The following RBM6 variants were observed in gnomAD, a reference collection of about 807,000 sequenced individuals.
RBM6 encodes RNA binding motif protein 6.
RBM6 carries 23 observed loss-of-function variants against 140.4 expected under a neutral mutation model. The ratio of observed to expected loss-of-function variants is 0.16; its 90% CI spans 0.12 to 0.23. The LOEUF is 0.23. RBM6 is among the 10% of genes least tolerant of loss of function. RBM6 has a pLI of 1.00. For missense variants in RBM6, 1,139 were observed against 1,386.7 expected (o/e 0.82, Z 2.84); for synonymous variants, 439 against 475.6 (o/e 0.92, Z 1.00).
intron 1 of RBM6, among the ~76,000 whole-genome samples, chr3:49,946,756 A>G (rs1438532181): frequency 1.3e-5 from 2 of 151,282 alleles, no homozygotes; most frequent in South Asian, 4.2e-4. Flanking sequence ...GCTGGTCTTG[A>G]ACTCCTGACC....
At chr3:49,952,192 G>A (rs961899883) in intron 1 of RBM6, among the ~76,000 whole-genome samples, 2 of 151,678 alleles carry the variant, frequency 1.3e-5, no homozygotes. Flanking sequence ...GTGCCACCAT[G>A]GCTAATTTTT....
chr3:49,999,859 T>C (rs1336894056), intron 6 of RBM6, among the ~76,000 whole-genome samples: 1 of 152,138 alleles, frequency 6.6e-6, no homozygotes, highest in African/African-American at 2.4e-5. Context: ...CTTGATTGTC[T>C]GTGACCCCAA....
At position 49,959,355 on chromosome 3, in the gene RBM6, ATT is replaced by A. The variant is rs1183057889; in HGVS notation, c.-66-3205_-66-3204del. 2.4e-4 allele frequency among the ~76,000 whole-genome samples: 30 copies of A among 123,252 alleles called. 1 individual carries two copies. The highest frequency in any genetic ancestry group is 1.7e-3 in the Admixed American group (20 of 11,900). 80.9% of individuals were successfully genotyped at this position (123,252 alleles called of 152,430 possible). A position where few individuals can be genotyped will look rare whatever the true frequency, so the allele number is the denominator to read the frequency against. On this transcript the variant is annotated intron_variant, in intron 1 of 20. Transcript: ENST00000266022. ...AGGTGCCCGCCACCACGCCTGGCTA[ATT>A]TTTTTTTTTTTTTTTGTATTTTTAG...
At chr3:50,003,837 A>G (rs1473715988) in intron 6 of RBM6, among the ~76,000 whole-genome samples, 2 of 152,220 alleles carry the variant, frequency 1.3e-5, no homozygotes, top group Non-Finnish European at 2.9e-5. Context: ...ATTTCTGTCT[A>G]GGAGAAGGGG....
intron 1 of RBM6, among the ~76,000 whole-genome samples, chr3:49,954,264 C>A (rs2083870887): frequency 6.6e-6 from 1 of 151,860 alleles, no homozygotes; most frequent in Non-Finnish European, 1.5e-5. Flanking sequence ...ATGGTGAAAC[C>A]CCGTCTCCAC....
chr3:50,032,823 TA>T (rs1437516558), intron 6 of RBM6, among the ~76,000 whole-genome samples: 1 of 150,338 alleles, frequency 6.7e-6, no homozygotes, highest in Non-Finnish European at 1.5e-5. Flanking sequence ...CTGTCTCTAC[TA>T]AAAATACAAA....
At chr3:50,037,819 C>CTTT (rs11328228) in intron 6 of RBM6, among the ~76,000 whole-genome samples, 1 of 127,512 alleles carries the variant, frequency 7.8e-6, no homozygotes, top group South Asian at 2.5e-4. Flanking sequence ...CTTTTCTTTC[C>CTTT]TTTTTTTTTT....
At chr3:49,956,028 A>T (rs562742344) in intron 1 of RBM6, among the ~76,000 whole-genome samples, 85 of 146,660 alleles carry the variant, frequency 5.8e-4, no homozygotes, top group Non-Finnish European at 6.6e-4. Flanking sequence ...GTGAAAAAAA[A>T]TTTTTTTTTT....
intron 6 of RBM6, among the ~76,000 whole-genome samples, chr3:50,022,218 G>A (rs12490944): frequency 0.079 from 12,010 of 152,004 alleles, 525 homozygotes; most frequent in African/African-American, 0.1. Flanking sequence ...ACTTGTATTG[G>A]GTAGTAGTAC....
chr3:50,021,387 C>A (rs1300839388), intron 6 of RBM6, among the ~76,000 whole-genome samples: 1 of 152,136 alleles, frequency 6.6e-6, no homozygotes, highest in Non-Finnish European at 1.5e-5. Context: ...TACCTGTAAT[C>A]CTAGCACTTT....
intron 6 of RBM6, among the ~76,000 whole-genome samples, chr3:50,020,576 T>C (rs1272149123): frequency 2.0e-5 from 3 of 152,226 alleles, no homozygotes; most frequent in African/African-American, 7.2e-5. Flanking sequence ...CATTATCGTT[T>C]ACAGTTGTGT....
chr3:50,050,798 AT>A (rs1342786527), intron 7 of RBM6, among the ~76,000 whole-genome samples: 1 of 151,522 alleles, frequency 6.6e-6, no homozygotes, highest in East Asian at 1.9e-4. Context: ...TGTGGTTTTG[AT>A]TTGCATTTTC....
chr3:50,072,254 A>T (rs1398369907), intron 19 of RBM6, among the ~76,000 whole-genome samples: 1 of 151,016 alleles, frequency 6.6e-6, no homozygotes, highest in Non-Finnish European at 1.5e-5. Context: ...CCAAAAATAT[A>T]AAAAAATTAG....
intron 1 of RBM6, among the ~76,000 whole-genome samples, chr3:49,945,049 G>A (rs1246978355): frequency 6.6e-6 from 1 of 150,716 alleles, no homozygotes; most frequent in East Asian, 2.0e-4. Flanking sequence ...CTAATTTTTT[G>A]TATTTTTAGT....
intron 5 of RBM6, among the ~76,000 whole-genome samples, chr3:49,994,090 G>GTCTC (rs1175626617): frequency 2.0e-5 from 3 of 152,148 alleles, no homozygotes; most frequent in Non-Finnish European, 2.9e-5. Context: ...TTGAGACAGG[G>GTCTC]TCTCACTCTG....
At chr3:49,971,824 A>T (rs2084807310) in intron 3 of RBM6, among the ~76,000 whole-genome samples, 1 of 152,088 alleles carries the variant, frequency 6.6e-6, no homozygotes, top group African/African-American at 2.4e-5. Flanking sequence ...TGTCTCTCGT[A>T]ATGTTTTGCT....
chr3:49,951,412 G>T (rs1475492381), intron 1 of RBM6, among the ~76,000 whole-genome samples: 2 of 151,370 alleles, frequency 1.3e-5, no homozygotes, highest in African/African-American at 4.9e-5. Context: ...TGTGTGTGTG[G>T]AGACAAGGTT....
intron 19 of RBM6, among the ~76,000 whole-genome samples, chr3:50,073,749 G>A (rs2090375846): frequency 6.6e-6 from 1 of 152,054 alleles, no homozygotes; most frequent in Non-Finnish European, 1.5e-5. Flanking sequence ...TTGCCTACAG[G>A]GAGGCCTGAG....
At chr3:49,947,267 G>T (rs1177665256) in intron 1 of RBM6, among the ~76,000 whole-genome samples, 2 of 76,286 alleles carry the variant, frequency 2.6e-5, no homozygotes, top group African/African-American at 5.3e-5. Flanking sequence ...AAAAAAGGGG[G>T]GGGGGGGGGG....
Sources: allele counts gnomAD v4.1 joint callset (sites outside exome capture counted in the v4.1 genomes callset), GRCh38; gene constraint gnomAD v4.1.1; transcripts MANE v1.5; gene names NCBI Gene and HGNC (gene_info 2026-07-23, HGNC 2026-07-21).